Variants in ARHGAP26 observed in about 807,000 individuals in gnomAD.
ARHGAP26 encodes rho GTPase-activating protein 26.
A neutral mutation model predicts 104.8 loss-of-function variants in ARHGAP26; 38 were observed. The observed-to-expected ratio is 0.36, with a 90% confidence interval of 0.28 to 0.48. ARHGAP26 has a LOEUF of 0.48. ARHGAP26 is among the 20% of genes least tolerant of loss of function. ARHGAP26 has a pLI of 0.99. For missense variants in ARHGAP26, 704 were observed against 947.9 expected, an observed-to-expected ratio of 0.74 and a Z score of 3.38; for synonymous variants, 341 against 340.0, an observed-to-expected ratio of 1.00 and a Z score of -0.03.
At chr5:143,032,216 G>A (rs746167172) in intron 12 of ARHGAP26, among the ~76,000 whole-genome samples, 1 of 152,198 alleles carries the variant, frequency 6.6e-6, no homozygotes. Context: ...AGCTCTGCCA[G>A]CATTCATGAT....
intron 20 of ARHGAP26, among the ~76,000 whole-genome samples, chr5:143,175,655 A>T (rs1428871777): frequency 6.6e-6 from 1 of 152,086 alleles, no homozygotes; most frequent in African/African-American, 2.4e-5. Context: ...ACTATTGGGC[A>T]TATGTGGGGT....
At chr5:143,215,541 G>A (rs1054775501) in intron 22 of ARHGAP26, among the ~76,000 whole-genome samples, 1 of 152,062 alleles carries the variant, frequency 6.6e-6, no homozygotes, top group East Asian at 1.9e-4. Flanking sequence ...TCAGAGTTGT[G>A]CAACCATTGC....
chr5:143,132,825 C>T (rs1328274861), intron 18 of ARHGAP26, among the ~76,000 whole-genome samples: 2 of 145,390 alleles, frequency 1.4e-5, no homozygotes, highest in African/African-American at 5.1e-5. Flanking sequence ...GAATGAGCAT[C>T]AGTATTATTG....
chr5:143,162,636 C>G (rs192897960), intron 20 of ARHGAP26, among the ~76,000 whole-genome samples: 10 of 152,200 alleles, frequency 6.6e-5, no homozygotes, highest in Non-Finnish European at 1.3e-4. Context: ...CCTTACTGCC[C>G]GCTTTCCCCT....
chr5:142,858,199 G>A (rs1306953040), intron 1 of ARHGAP26, among the ~76,000 whole-genome samples: 2 of 151,974 alleles, frequency 1.3e-5, no homozygotes, highest in Non-Finnish European at 2.9e-5. Flanking sequence ...GTATTTACCT[G>A]ATGTTAATTG....
At chr5:143,214,757 G>A (rs971730521) in intron 22 of ARHGAP26, among the ~76,000 whole-genome samples, 8 of 152,320 alleles carry the variant, frequency 5.3e-5, no homozygotes, top group African/African-American at 1.7e-4. Flanking sequence ...GGGGAACAAG[G>A]CACAGAACAT....
intron 17 of ARHGAP26, among the ~76,000 whole-genome samples, chr5:143,068,254 C>T (rs1021183874): frequency 1.3e-5 from 2 of 152,226 alleles, no homozygotes; most frequent in African/African-American, 4.8e-5. Context: ...AACCATCAGA[C>T]ATCGCAAAGC....
intron 11 of ARHGAP26, among the ~76,000 whole-genome samples, chr5:142,934,932 C>T (rs1176838692): frequency 6.6e-6 from 1 of 152,090 alleles, no homozygotes; most frequent in African/African-American, 2.4e-5. Flanking sequence ...TTAGTTTTAG[C>T]ATTAAATCAT....
At chr5:143,180,506 A>C (rs534782388) in intron 20 of ARHGAP26, among the ~76,000 whole-genome samples, 16 of 152,228 alleles carry the variant, frequency 1.1e-4, no homozygotes, top group Admixed American at 3.9e-4. Flanking sequence ...TGTCACTGCT[A>C]TAAAGAAATA....
intron 20 of ARHGAP26, among the ~76,000 whole-genome samples, chr5:143,199,288 A>G (rs766080834): frequency 6.6e-6 from 1 of 152,226 alleles, no homozygotes; most frequent in Non-Finnish European, 1.5e-5. Context: ...GGACTTATAT[A>G]GGATTTCTTT....
At position 142,899,984 on chromosome 5, in the gene ARHGAP26, A is replaced by G. The variant is rs374741024; in HGVS notation, c.598-1951A>G. Reference sequence around the variant, plus strand: ...TTACTATGAGTGAAGGATAAATCATAGTTAATAGGAGGAATGACCTTGGAA... The same window carrying G: ...TTACTATGAGTGAAGGATAAATCATGGTTAATAGGAGGAATGACCTTGGAA... On this transcript the variant is annotated intron_variant, in intron 6 of 22. Transcript: ENST00000645722. 2.0e-5 allele frequency among the ~76,000 whole-genome samples: 3 copies of G among 152,242 alleles called. No homozygotes were observed. In the East Asian group the frequency reaches 5.8e-4, roughly 29 times the overall value.
intron 20 of ARHGAP26, among the ~76,000 whole-genome samples, chr5:143,162,863 G>A (rs1348537535): frequency 6.6e-6 from 1 of 152,142 alleles, no homozygotes; most frequent in Non-Finnish European, 1.5e-5. Context: ...CCAGGGTACA[G>A]TGGCCCACAC....
chr5:142,796,312 A>G (rs1033932667), intron 1 of ARHGAP26, among the ~76,000 whole-genome samples: 5 of 152,136 alleles, frequency 3.3e-5, no homozygotes, highest in Non-Finnish European at 7.4e-5. Context: ...CTCTGCCACA[A>G]ATTGCCTCTG....
intron 17 of ARHGAP26, among the ~76,000 whole-genome samples, chr5:143,090,691 G>A (rs1209430852): frequency 6.6e-6 from 1 of 152,202 alleles, no homozygotes; most frequent in Non-Finnish European, 1.5e-5. Flanking sequence ...GCTGATGGGG[G>A]AGGGCTGTCC....
intron 17 of ARHGAP26, among the ~76,000 whole-genome samples, chr5:143,066,834 T>C (rs1787560450): frequency 6.6e-6 from 1 of 152,202 alleles, no homozygotes; most frequent in African/African-American, 2.4e-5. Context: ...TAGCAGAAGA[T>C]GAGCCAGCAC....
At chr5:142,929,308 C>G (rs1453322141) in intron 10 of ARHGAP26, among the ~76,000 whole-genome samples, 2 of 152,144 alleles carry the variant, frequency 1.3e-5, no homozygotes, top group Non-Finnish European at 2.9e-5. Context: ...GAACCACATG[C>G]ATTTCAAACA....
intron 9 of ARHGAP26, among the ~76,000 whole-genome samples, 167 bp from the exon 10 acceptor site, chr5:142,913,032 A>C (rs557389189): frequency 5.3e-5 from 8 of 152,310 alleles, no homozygotes; most frequent in African/African-American, 1.4e-4. Context: ...AAGCTGCATG[A>C]GGCTTTGTCC....
chr5:142,825,937 T>A (rs1400814366), intron 1 of ARHGAP26, among the ~76,000 whole-genome samples: 1 of 152,174 alleles, frequency 6.6e-6, no homozygotes, highest in Non-Finnish European at 1.5e-5. Context: ...ATTCTGCACA[T>A]GATGCATCTG....
intron 20 of ARHGAP26, chr5:143,165,944 CACTTTGCATGGCTTCTGG>C: frequency 1.1e-6 from 1 of 943,336 alleles, no homozygotes; most frequent in Non-Finnish European, 1.4e-6. Context: ...TCATGTAGAG[CACTTTGCATGGCTTCTGG>C]CTCATAATCA....
Sources: gnomAD v4.1 joint callset for allele counts (sites outside exome capture counted in the v4.1 genomes callset) on GRCh38, gnomAD v4.1.1 for gene constraint, MANE v1.5 for transcripts, NCBI Gene and HGNC (gene_info 2026-07-23, HGNC 2026-07-21) for gene names.